Variants in RAB11B observed in about 807,000 individuals in gnomAD.
The protein encoded by RAB11B is ras-related protein Rab-11B.
A neutral mutation model predicts 23.7 loss-of-function variants in RAB11B; 7 were observed. That is an observed-to-expected ratio of 0.29 (90% CI 0.17 to 0.55). The LOEUF (loss-of-function observed/expected upper bound fraction) is 0.55. RAB11B is among the 20% of genes least tolerant of loss of function. The pLI, the probability that RAB11B is intolerant of heterozygous loss-of-function variation, is 0.93. For missense variants in RAB11B, 189 were observed against 320.0 expected (o/e 0.59, Z 3.12); for synonymous variants, 138 against 132.0 (o/e 1.05, Z -0.31).
At chr19:8,390,701 G>A (rs1000080334) in intron 1 of RAB11B, 2 of 387,474 alleles carry the variant, frequency 5.2e-6, no homozygotes, top group African/African-American at 4.2e-5. Flanking sequence ...CGGGGCCAGA[G>A]CCTAGAGGGG....
At chr19:8,394,022 C>T (rs970241262) in intron 1 of RAB11B, among the ~76,000 whole-genome samples, 1 of 152,210 alleles carries the variant, frequency 6.6e-6, no homozygotes, top group African/African-American at 2.4e-5. Context: ...CTCAAGGGCT[C>T]TTTATTTCCC....
intron 1 of RAB11B, among the ~76,000 whole-genome samples, chr19:8,395,119 G>A (rs1041897318): frequency 1.3e-5 from 2 of 152,272 alleles, no homozygotes; most frequent in African/African-American, 4.8e-5. Context: ...AGCTGCCGTG[G>A]AAAGGAGGTT....
intron 3 of RAB11B, 97 bp downstream of exon 3, chr19:8,402,376 C>A: frequency 6.5e-7 from 1 of 1,542,132 alleles, no homozygotes; most frequent in Non-Finnish European, 8.8e-7. Context: ...CTTCCCTTCC[C>A]TGAGGAGTGG....
Position 8,403,993 on chromosome 19 carries a change from CG to C in RAB11B, c.*440del. 6.3e-6 allele frequency: 1 copy of C among 159,042 alleles called. No homozygotes were observed. The allele number at this position is 159,042 out of a possible 1,614,324, so 9.9% of individuals were successfully genotyped here. On this transcript the variant is annotated 3_prime_UTR_variant, in exon 5 of 5. Coordinates refer to ENST00000328024, the MANE Select transcript of RAB11B (RefSeq NM_004218.4). ...GGCCAAAGCCCGAAGAACCAGGCAG[CG>C]GGGGCCGGGGCAGGCGGACCCCCCG... is the stretch of plus-strand genomic sequence containing the variant.
At chr19:8,397,640 G>C (rs1157062758) in intron 1 of RAB11B, among the ~76,000 whole-genome samples, 1 of 152,108 alleles carries the variant, frequency 6.6e-6, no homozygotes, top group East Asian at 1.9e-4. Context: ...GGTCAGGAGA[G>C]AATGTTTTCT....
intron 1 of RAB11B, among the ~76,000 whole-genome samples, chr19:8,399,654 C>T (rs1052357563): frequency 1.3e-5 from 2 of 152,214 alleles, no homozygotes; most frequent in African/African-American, 2.4e-5. Flanking sequence ...TTGTGCTATC[C>T]GCAGTGGCTG....
At position 8,403,530 on chromosome 19, in the gene RAB11B, A is replaced by C; in HGVS notation, c.629A>C (p.Asn210Thr). 2 of 1,613,780 alleles carry C rather than the reference A, an allele frequency of 1.2e-6. No homozygotes were observed. The highest frequency in any genetic ancestry group is 1.7e-6 in the Non-Finnish European group (2 of 1,179,812). Reference protein sequence around the residue: ...VPPTTDGQKPNKLQCCQNL With the variant: ...VPPTTDGQKPTKLQCCQNL Reference sequence around the variant, plus strand: ...CCCACCACGGACGGACAGAAGCCCAACAAGCTGCAGTGCTGCCAGAACCTG... The same window carrying C: ...CCCACCACGGACGGACAGAAGCCCACCAAGCTGCAGTGCTGCCAGAACCTG... The change falls in exon 5 of 5, where the codon AAC (asparagine) becomes ACC (threonine). Residue 210 changes from asparagine (N) to threonine (T), a missense_variant. Transcript: ENST00000328024.
chr19:8,390,993 G>A (rs1231397070), intron 1 of RAB11B, among the ~76,000 whole-genome samples: 3 of 151,936 alleles, frequency 2.0e-5, no homozygotes, highest in African/African-American at 7.3e-5. Context: ...CCGAGATGAG[G>A]GCCTGGGGGT....
intron 1 of RAB11B, among the ~76,000 whole-genome samples, chr19:8,398,820 T>C (rs1035511947): frequency 2.6e-4 from 39 of 152,178 alleles, no homozygotes; most frequent in Middle Eastern, 6.8e-3. Flanking sequence ...GAATCTCTGT[T>C]GCCTAGGCTG....
intron 1 of RAB11B, among the ~76,000 whole-genome samples, chr19:8,394,158 G>A (rs2145507448): frequency 6.6e-6 from 1 of 152,302 alleles, no homozygotes; most frequent in African/African-American, 2.4e-5. Flanking sequence ...GGGACTGGTT[G>A]GGCAGCTCAG....
chr19:8,393,754 G>C (rs996895208), intron 1 of RAB11B, among the ~76,000 whole-genome samples: 1 of 152,102 alleles, frequency 6.6e-6, no homozygotes, highest in Non-Finnish European at 1.5e-5. Context: ...GCTTGGCTCC[G>C]CCAGGCTCTG....
intron 1 of RAB11B, chr19:8,390,809 G>T: frequency 6.5e-6 from 1 of 153,210 alleles, no homozygotes; most frequent in Admixed American, 6.9e-5. Context: ...CTGAAAGCGT[G>T]ATTCGGGATG....
rs189423671 is a variant in RAB11B at position 8,402,572 on chromosome 19, G to A, written c.511+7G>A. On this transcript the variant is annotated splice_region_variant and intron_variant, in intron 4 of 4. Transcript: ENST00000328024. Reference sequence around the variant, plus strand: ...TTCAAGAACATCCTCACAGGTGGCCGGGGACCAGATGGGTGTGGGTAGGGC... The same window carrying A: ...TTCAAGAACATCCTCACAGGTGGCCAGGGACCAGATGGGTGTGGGTAGGGC... The A allele has an allele frequency of 3.4e-3, 5,531 of 1,608,124 alleles. 15 individuals are homozygous for A. The highest frequency in any genetic ancestry group is 4.4e-3 in the Non-Finnish European group (5,122 of 1,174,620).
chr19:8,391,502 G>A (rs1971353012), intron 1 of RAB11B, among the ~76,000 whole-genome samples: 1 of 152,204 alleles, frequency 6.6e-6, no homozygotes, highest in African/African-American at 2.4e-5. Flanking sequence ...GCCCATTTAG[G>A]GACAGCTGGA....
At chr19:8,399,830 TG>T in intron 1 of RAB11B, 32 bp from the exon 2 acceptor site, 1 of 1,602,058 alleles carries the variant, frequency 6.2e-7, no homozygotes. Context: ...GGGTGGAGTG[TG>T]GGGATTCACA....
In RAB11B at chr19:8,390,362, C is replaced by T. The variant is rs1372410931; in HGVS notation, c.-55C>T. 2 of 1,495,034 alleles carry T rather than the reference C, an allele frequency of 1.3e-6. No homozygotes were observed. The highest frequency in any genetic ancestry group is 1.5e-5 in the African/African-American group (1 of 68,488). The allele number at this position is 1,495,034 out of a possible 1,614,324, so 92.6% of individuals were successfully genotyped here. ...TGCGCGGCGCCGGCTCCGCCCCCGT[C>T]GGGTGTTTGTGGTGGGGCTGCGGAG... On this transcript the variant is annotated 5_prime_UTR_variant, in exon 1 of 5. Coordinates refer to ENST00000328024, the MANE Select transcript of RAB11B (RefSeq NM_004218.4).
chr19:8,399,175 G>C (rs533084193), intron 1 of RAB11B, among the ~76,000 whole-genome samples: 4 of 151,932 alleles, frequency 2.6e-5, no homozygotes, highest in Non-Finnish European at 5.9e-5. Context: ...GGATGGTCTC[G>C]ATCTCCTGAC....
intron 1 of RAB11B, among the ~76,000 whole-genome samples, chr19:8,393,127 A>G (rs1433933784): frequency 6.6e-6 from 1 of 152,096 alleles, no homozygotes; most frequent in Non-Finnish European, 1.5e-5. Context: ...TCCCCCAGGA[A>G]TGACACTGTT....
intron 1 of RAB11B, among the ~76,000 whole-genome samples, chr19:8,391,469 C>G (rs1475943417): frequency 6.6e-6 from 1 of 152,198 alleles, no homozygotes; most frequent in Non-Finnish European, 1.5e-5. Context: ...TCACATAAGG[C>G]CTAGGTAGAT....
Sources: allele counts gnomAD v4.1 joint callset (sites outside exome capture counted in the v4.1 genomes callset), GRCh38; gene constraint gnomAD v4.1.1; transcripts MANE v1.5; gene names NCBI Gene and HGNC (gene_info 2026-07-23, HGNC 2026-07-21).